ITPR1: variants seen among roughly 807,000 people sequenced by gnomAD.
ITPR1 encodes inositol 1,4,5-trisphosphate receptor type 1, also known as inositol 1,4,5-trisphosphate-gated calcium channel ITPR1.
ITPR1 carries 96 observed loss-of-function variants against 318.4 expected under a neutral mutation model. That is an observed-to-expected ratio of 0.30 (90% CI 0.26 to 0.36). The LOEUF is 0.36. Among genes scored for constraint, ITPR1 ranks in the 10% least tolerant of loss-of-function variants. ITPR1 has a pLI of 1.00. For synonymous variants in ITPR1, 1,312 were observed against 1,289.9 expected, an observed-to-expected ratio of 1.02 and a Z score of -0.37; for missense variants, 2,440 against 3,460.2, an observed-to-expected ratio of 0.71 and a Z score of 7.40.
chr3:4,750,866 C>T (rs1157980581), intron 44 of ITPR1: 3 of 152,602 alleles, frequency 2.0e-5, no homozygotes, highest in Non-Finnish European at 2.9e-5. Context: ...CATTGTGTAG[C>T]CCCGGGACAT....
intron 61 of ITPR1, among the ~76,000 whole-genome samples, chr3:4,839,390 A>T (rs1329842944): frequency 6.6e-6 from 1 of 152,112 alleles, no homozygotes; most frequent in African/African-American, 2.4e-5. Context: ...ATCTCACCTC[A>T]TTCCCTTATT....
intron 5 of ITPR1, among the ~76,000 whole-genome samples, chr3:4,637,121 T>A (rs1341502643): frequency 1.3e-5 from 2 of 152,252 alleles, no homozygotes; most frequent in Non-Finnish European, 2.9e-5. Flanking sequence ...TAAAGGTGAA[T>A]CCTTTCAGCT....
At chr3:4,533,941 C>T (rs993251610) in intron 4 of ITPR1, among the ~76,000 whole-genome samples, 5 of 152,184 alleles carry the variant, frequency 3.3e-5, no homozygotes, top group Non-Finnish European at 5.9e-5. Flanking sequence ...TGACTCTTGA[C>T]AGACAGGAGG....
intron 40 of ITPR1, among the ~76,000 whole-genome samples, chr3:4,722,119 T>C (rs1393820992): frequency 6.6e-6 from 1 of 152,198 alleles, no homozygotes; most frequent in Non-Finnish European, 1.5e-5. Context: ...ATTCAGTGAC[T>C]TGAGGTGCAG....
chr3:4,626,183 T>G (rs1007156348), intron 4 of ITPR1, among the ~76,000 whole-genome samples: 1 of 145,940 alleles, frequency 6.9e-6, no homozygotes, highest in African/African-American at 2.7e-5. Context: ...CCCTAAACTT[T>G]CTGTGTGTGT....
intron 4 of ITPR1, among the ~76,000 whole-genome samples, chr3:4,609,089 T>TATAAAC (rs1171860541): frequency 1.1e-5 from 1 of 91,938 alleles, no homozygotes; most frequent in African/African-American, 3.8e-5. Context: ...TATATATATA[T>TATAAAC]ACACACACAC....
At chr3:4,589,436 G>T (rs2090197871) in intron 4 of ITPR1, among the ~76,000 whole-genome samples, 1 of 152,086 alleles carries the variant, frequency 6.6e-6, no homozygotes, top group Non-Finnish European at 1.5e-5. Flanking sequence ...CATTAACTGG[G>T]AGCTTTTTAG....
chr3:4,512,097 C>G (rs304043), intron 2 of ITPR1, among the ~76,000 whole-genome samples: 95,304 of 151,992 alleles, frequency 0.63, 30,046 homozygotes, highest in East Asian at 0.8. Flanking sequence ...AAGTGATCCT[C>G]CCAAGTAGCT....
intron 60 of ITPR1, among the ~76,000 whole-genome samples, chr3:4,822,402 T>A (rs1559958184): frequency 6.6e-6 from 1 of 152,234 alleles, no homozygotes; most frequent in African/African-American, 2.4e-5. Flanking sequence ...AAGAGCCTCC[T>A]CCTCTGGAAA....
At chr3:4,777,138 G>T in intron 47 of ITPR1, 126 bp from the exon 48 acceptor site, 1 of 534,608 alleles carries the variant, frequency 1.9e-6, no homozygotes, top group Admixed American at 3.2e-5. Flanking sequence ...AAAATTTGCA[G>T]CTCTCCCCTA....
intron 3 of ITPR1, among the ~76,000 whole-genome samples, chr3:4,516,944 T>C (rs1448354523): frequency 6.6e-6 from 1 of 152,226 alleles, no homozygotes; most frequent in Admixed American, 6.5e-5. Flanking sequence ...TGCTTTTTAG[T>C]TTTGTAAAGG....
intron 56 of ITPR1, among the ~76,000 whole-genome samples, chr3:4,812,124 C>T (rs2048977925): frequency 6.6e-6 from 1 of 151,470 alleles, no homozygotes; most frequent in Non-Finnish European, 1.5e-5. Flanking sequence ...ACTGCAACCT[C>T]CAACCTCCCG....
chr3:4,772,609 A>G lies in ITPR1; in HGVS notation c.5980-2633A>G, dbSNP rs576322353. ...GATCTCTTTCCACCAAAGTCTGTCT[A>G]AGCACAGACTTGAAGTCTTCCATTT... On this transcript the variant is annotated intron_variant, in intron 46 of 61. Coordinates refer to ENST00000649015, the MANE Select transcript of ITPR1 (RefSeq NM_001378452.1). Among the ~76,000 whole-genome samples, 5 of 152,336 alleles carry G rather than the reference A, an allele frequency of 3.3e-5. 1 individual carries two copies. The highest frequency in any genetic ancestry group is 1.2e-4 in the African/African-American group (5 of 41,584).
intron 4 of ITPR1, among the ~76,000 whole-genome samples, chr3:4,584,870 AGAC>A (rs1216432331): frequency 1.3e-5 from 2 of 152,214 alleles, no homozygotes; most frequent in Non-Finnish European, 2.9e-5. Flanking sequence ...GCAAATGAAG[AGAC>A]AAAATGAAGC....
At chr3:4,788,286 AC>A in intron 52 of ITPR1, 147 bp downstream of exon 52, 1 of 682,086 alleles carries the variant, frequency 1.5e-6, no homozygotes, top group Non-Finnish European at 2.5e-6. Context: ...GGAAGTCATA[AC>A]CAGTTTTGCA....
intron 60 of ITPR1, among the ~76,000 whole-genome samples, chr3:4,820,379 C>A (rs10154928): frequency 3.3e-5 from 5 of 152,160 alleles, no homozygotes; most frequent in African/African-American, 1.2e-4. Context: ...CTTCCAGGGG[C>A]CAGTTTTGAA....
intron 4 of ITPR1, among the ~76,000 whole-genome samples, chr3:4,599,715 C>T (rs1415308807): frequency 6.6e-6 from 1 of 152,204 alleles, no homozygotes; most frequent in African/African-American, 2.4e-5. Context: ...CCTACTCCGA[C>T]AGTGGCTGCT....
intron 32 of ITPR1, 60 bp from the exon 33 acceptor site, chr3:4,693,430 T>G (rs1481124819): frequency 3.8e-6 from 6 of 1,574,652 alleles, no homozygotes; most frequent in Non-Finnish European, 5.2e-6. Context: ...GAATAGATTT[T>G]TTTCATGCTG....
intron 4 of ITPR1, among the ~76,000 whole-genome samples, chr3:4,597,482 G>A (rs76766194): frequency 0.015 from 2,325 of 152,240 alleles, 54 homozygotes; most frequent in African/African-American, 0.054. Context: ...GTAATCCGAG[G>A]CCGTATAGAA....
Sources: allele counts gnomAD v4.1 joint callset (sites outside exome capture counted in the v4.1 genomes callset), GRCh38; gene constraint gnomAD v4.1.1; transcripts MANE v1.5; gene names NCBI Gene and HGNC (gene_info 2026-07-23, HGNC 2026-07-21).